AKT3: variants seen among roughly 807,000 people sequenced by gnomAD.
AKT3 encodes the protein AKT serine/threonine kinase 3, also known as RAC-gamma serine/threonine-protein kinase.
A neutral mutation model predicts 65.3 loss-of-function variants in AKT3; 15 were observed. That is an observed-to-expected ratio of 0.23 (90% confidence interval 0.15 to 0.35). The LOEUF (loss-of-function observed/expected upper bound fraction) is 0.35. Among genes scored for constraint, AKT3 ranks in the 10% least tolerant of loss-of-function variants. The pLI is 1.00. For synonymous variants in AKT3, 206 were observed against 183.8 expected (o/e 1.12, Z -0.98); for missense variants, 243 against 576.5 (o/e 0.42, Z 5.92).
intron 2 of AKT3, among the ~76,000 whole-genome samples, chr1:243,726,313 G>A (rs1239184858): frequency 6.6e-6 from 1 of 152,094 alleles, no homozygotes; most frequent in East Asian, 1.9e-4. Context: ...GGTGAAATCT[G>A]GAAAAATTAT....
At chr1:243,795,083 A>G (rs1558817333) in intron 2 of AKT3, among the ~76,000 whole-genome samples, 3 of 150,570 alleles carry the variant, frequency 2.0e-5, no homozygotes, top group African/African-American at 7.3e-5. Flanking sequence ...CCCTTATGGT[A>G]TCTGTTTTCT....
At chr1:243,752,972 C>T (rs1205116834) in intron 2 of AKT3, among the ~76,000 whole-genome samples, 1 of 152,162 alleles carries the variant, frequency 6.6e-6, no homozygotes, top group Non-Finnish European at 1.5e-5. Flanking sequence ...GTTTCTACCC[C>T]CTTTCCCAAT....
chr1:243,722,831 G>A (rs1296893847), intron 2 of AKT3, among the ~76,000 whole-genome samples: 1 of 152,078 alleles, frequency 6.6e-6, no homozygotes, highest in Non-Finnish European at 1.5e-5. Context: ...ACCCTGTCTA[G>A]GAAGCAATTA....
chr1:243,610,102 T>C (rs1226498555), intron 8 of AKT3, among the ~76,000 whole-genome samples: 1 of 152,230 alleles, frequency 6.6e-6, no homozygotes, highest in Admixed American at 6.5e-5. Flanking sequence ...AAAGACTTAA[T>C]ACATATGTAT....
At chr1:243,753,557 T>C (rs1358502927) in intron 2 of AKT3, among the ~76,000 whole-genome samples, 3 of 152,192 alleles carry the variant, frequency 2.0e-5, no homozygotes, top group Non-Finnish European at 2.9e-5. Context: ...TAGAATTTGG[T>C]TTAAGAAAGA....
At chr1:243,499,542 C>T (rs1668982120), downstream of AKT3, among the ~76,000 whole-genome samples, 2 of 152,026 alleles carry the variant, frequency 1.3e-5, no homozygotes, top group Non-Finnish European at 2.9e-5. Flanking sequence ...CAAATTTAAC[C>T]CATTAAACCA....
chr1:243,624,790 T>C (rs1377924003), intron 6 of AKT3: 1 of 206,160 alleles, frequency 4.9e-6, no homozygotes, highest in Non-Finnish European at 1.1e-5. Context: ...AATGAGTTTG[T>C]CTCTGTCCAG....
intron 12 of AKT3, among the ~76,000 whole-genome samples, chr1:243,538,180 C>T (rs1389700554): frequency 1.3e-5 from 2 of 151,942 alleles, no homozygotes; most frequent in Non-Finnish European, 2.9e-5. Context: ...AAATAATAGC[C>T]TAAAGAATAG....
chr1:243,662,064 TGGAGAG>T (rs1341657085), intron 4 of AKT3, among the ~76,000 whole-genome samples: 3 of 149,194 alleles, frequency 2.0e-5, no homozygotes, highest in Non-Finnish European at 4.5e-5. Flanking sequence ...CAACAGGTGC[TGGAGAG>T]GATGTGGAGA....
At chr1:243,563,877 G>T in intron 9 of AKT3, 29 bp from the exon 10 acceptor site, 2 of 1,587,036 alleles carry the variant, frequency 1.3e-6, no homozygotes, top group East Asian at 2.3e-5. Context: ...GACATAATTT[G>T]TTCTATAGTC....
chr1:243,644,760 T>C (rs1309723289), intron 5 of AKT3, among the ~76,000 whole-genome samples: 1 of 152,216 alleles, frequency 6.6e-6, no homozygotes, highest in Non-Finnish European at 1.5e-5. Flanking sequence ...TACACTATTC[T>C]TCATTTCATT....
chr1:243,510,190 G>A (rs563853758), intron 13 of AKT3, among the ~76,000 whole-genome samples: 1 of 152,160 alleles, frequency 6.6e-6, no homozygotes, highest in Non-Finnish European at 1.5e-5. Flanking sequence ...ATCTGCTTTG[G>A]ATATTCAGAG....
At chr1:243,615,443 G>A (rs912209228) in intron 6 of AKT3, among the ~76,000 whole-genome samples, 4 of 152,038 alleles carry the variant, frequency 2.6e-5, no homozygotes, top group Admixed American at 6.6e-5. Flanking sequence ...AATTATCAGG[G>A]ACACAGAAAA....
intron 12 of AKT3, among the ~76,000 whole-genome samples, chr1:243,535,151 A>AT (rs1172675504): frequency 2.5e-5 from 1 of 39,716 alleles, no homozygotes; most frequent in Non-Finnish European, 6.6e-5. Flanking sequence ...AAAATTTTAA[A>AT]ATATATTTTA....
chr1:243,760,773 T>C lies in AKT3; in HGVS notation c.47-65057A>G, dbSNP rs12038825. ...AGTTTAATGGCCCTCATGTATAGTG[T>C]TGAAGTCTCACCTAGTGTTTCTCAG... On this transcript the variant is annotated intron_variant, in intron 2 of 13. Transcript: ENST00000673466. Among the ~76,000 whole-genome samples, 5 of 152,282 alleles carry C rather than the reference T, an allele frequency of 3.3e-5. No individual in the cohort carries two copies. In the East Asian group the frequency reaches 9.6e-4, roughly 29 times the overall value.
Position 243,760,876 on chromosome 1 carries a change from T to G in AKT3, c.47-65160A>C, listed in dbSNP as rs1181433276. On this transcript the variant is annotated intron_variant, in intron 2 of 13. Coordinates refer to ENST00000673466, the MANE Select transcript of AKT3 (RefSeq NM_005465.7). ...CTTCATTCAGGCATGAGTTATAGTG[T>G]TCATGGCCATGAGTTCAATGTTAAT... 2.0e-5 allele frequency among the ~76,000 whole-genome samples: 3 copies of G among 152,194 alleles called. No homozygotes were observed. The South Asian group carries it at 6.2e-4, about 32-fold the overall frequency.
intron 2 of AKT3, among the ~76,000 whole-genome samples, chr1:243,756,841 T>C (rs1414551550): frequency 6.6e-6 from 1 of 152,216 alleles, no homozygotes; most frequent in Non-Finnish European, 1.5e-5. Context: ...CTTCAGGTGA[T>C]CAAAGTTAAC....
In AKT3 at chr1:243,531,391, C is replaced by G. The variant is rs79500845; in HGVS notation, c.1251+14119G>C. Among the ~76,000 whole-genome samples the G allele has an allele frequency of 2.4e-3, 372 of 152,276 alleles. 1 individual carries two copies. The highest frequency in any genetic ancestry group is 4.2e-3 in the Non-Finnish European group (285 of 68,026). ...GTCACTGCACCTGGAAATGTTCAACCATTTTAACCTGTGAGAATGGCAATC... is the reference window on the plus strand; with the variant it reads ...GTCACTGCACCTGGAAATGTTCAACGATTTTAACCTGTGAGAATGGCAATC... On this transcript the variant is annotated intron_variant, in intron 12 of 13. Transcript: ENST00000673466.
At chr1:243,579,462 A>C (rs1291583571) in intron 8 of AKT3, among the ~76,000 whole-genome samples, 20 of 152,218 alleles carry the variant, frequency 1.3e-4, no homozygotes, top group Admixed American at 1.3e-3. Context: ...CAAGAAGTGA[A>C]GGGAAAATAA....
Sources: allele counts gnomAD v4.1 joint callset (sites outside exome capture counted in the v4.1 genomes callset), GRCh38; gene constraint gnomAD v4.1.1; transcripts MANE v1.5; gene names NCBI Gene and HGNC (gene_info 2026-07-23, HGNC 2026-07-21).